The following CTTN variants were observed in gnomAD, a reference collection of about 807,000 sequenced individuals.
The protein encoded by CTTN is cortactin.
A neutral mutation model predicts 84.0 loss-of-function variants in CTTN; 28 were observed. The observed-to-expected ratio is 0.33, with a 90% CI of 0.25 to 0.46. The LOEUF is 0.46. Ranked by LOEUF, CTTN falls within the 20% of genes least tolerant of loss-of-function variation. CTTN has a pLI of 1.00. For missense variants in CTTN, 641 were observed against 723.8 expected (o/e 0.89, Z 1.31); for synonymous variants, 301 against 288.8 (o/e 1.04, Z -0.43).
chr11:70,410,988 T>C (rs2058090683), intron 5 of CTTN, among the ~76,000 whole-genome samples: 1 of 151,812 alleles, frequency 6.6e-6, no homozygotes, highest in South Asian at 2.1e-4. Flanking sequence ...ATAAATAGCC[T>C]GGGGGAGGAG....
chr11:70,407,428 G>A (rs1027482796), intron 3 of CTTN, 44 bp downstream of exon 3: 2 of 1,611,750 alleles, frequency 1.2e-6, no homozygotes, highest in Non-Finnish European at 1.7e-6. Context: ...TGAAGTGGAA[G>A]TGGCTCTCCT....
At chr11:70,430,262 C>A (rs1366407617) in intron 14 of CTTN, among the ~76,000 whole-genome samples, 1 of 152,228 alleles carries the variant, frequency 6.6e-6, no homozygotes, top group Non-Finnish European at 1.5e-5. Flanking sequence ...GTGCCTGTGC[C>A]TGCCACCTCA....
intron 4 of CTTN, among the ~76,000 whole-genome samples, chr11:70,408,923 C>T (rs1191206095): frequency 6.6e-6 from 1 of 151,950 alleles, no homozygotes; most frequent in Non-Finnish European, 1.5e-5. Flanking sequence ...CTCTTCTGTT[C>T]CCTGTGGCTT....
intron 9 of CTTN, 110 bp from the exon 10 acceptor site, chr11:70,420,290 A>G: frequency 1.3e-6 from 1 of 746,166 alleles, no homozygotes; most frequent in South Asian, 1.6e-5. Flanking sequence ...CCGGAAGGGA[A>G]GAGTAGATTG....
intron 10 of CTTN, 142 bp from the exon 11 acceptor site, chr11:70,421,328 G>A: frequency 2.9e-6 from 2 of 691,820 alleles, no homozygotes; most frequent in Non-Finnish European, 5.3e-6. Context: ...GAGCCTGGGA[G>A]TAGGATCTCA....
chr11:70,410,191 G>T, intron 5 of CTTN: 1 of 453,562 alleles, frequency 2.2e-6, no homozygotes, highest in Non-Finnish European at 4.0e-6. Context: ...GGTGTTAGTG[G>T]GGAGGCCCAG....
chr11:70,419,379 T>A (rs2058202437), intron 8 of CTTN, among the ~76,000 whole-genome samples: 1 of 152,098 alleles, frequency 6.6e-6, no homozygotes, highest in South Asian at 2.1e-4. Context: ...CAAAGTGCTG[T>A]GATTACAGGC....
chr11:70,426,901 A>C (rs561671064), intron 13 of CTTN, among the ~76,000 whole-genome samples: 1 of 147,132 alleles, frequency 6.8e-6, no homozygotes, highest in Non-Finnish European at 1.5e-5. Context: ...TGCCCGGCCA[A>C]ATTTTTTTAT....
At chr11:70,405,770 C>G (rs1445012849) in intron 2 of CTTN, among the ~76,000 whole-genome samples, 1 of 152,204 alleles carries the variant, frequency 6.6e-6, no homozygotes, top group Non-Finnish European at 1.5e-5. Context: ...GAAAAAGTAC[C>G]AGGCAAAGAC....
At chr11:70,406,874 A>G (rs765163084) in intron 2 of CTTN, among the ~76,000 whole-genome samples, 3 of 152,258 alleles carry the variant, frequency 2.0e-5, no homozygotes, top group Admixed American at 1.3e-4. Flanking sequence ...TACACATACC[A>G]TGAGATTTAC....
Position 70,433,091 on chromosome 11 carries a change from C to A in CTTN, c.1267-10C>A. On this transcript the variant is annotated splice_polypyrimidine_tract_variant and intron_variant, in intron 15 of 17. Coordinates refer to ENST00000301843, the MANE Select transcript of CTTN (RefSeq NM_005231.4). ...GGGCCCCGTGCCATGTGCGTGTGAC[C>A]CTTCCCCAGGATGCGGCTTCCTTCA... 4 of 1,612,438 alleles carry A rather than the reference C, an allele frequency of 2.5e-6. No individual in the cohort carries two copies. The highest frequency in any genetic ancestry group is 3.4e-6 in the Non-Finnish European group (4 of 1,179,390).
At chr11:70,420,656 A>G (rs950956590) in intron 10 of CTTN, 146 bp downstream of exon 10, 21 of 671,194 alleles carry the variant, frequency 3.1e-5, no homozygotes, top group South Asian at 8.7e-5. Flanking sequence ...TGCCCCCCCA[A>G]TCCCCCAGTT....
intron 15 of CTTN, 32 bp from the exon 16 acceptor site, chr11:70,433,069 C>T: frequency 6.2e-7 from 1 of 1,604,984 alleles, no homozygotes; most frequent in Non-Finnish European, 8.5e-7. Context: ...CCAGCATGGG[C>T]CCCGTGCCAT....
chr11:70,431,220 C>G lies in CTTN; in HGVS notation c.1206C>G (p.Pro402=). 2 of 1,614,184 alleles carry G rather than the reference C, an allele frequency of 1.2e-6. No homozygotes were observed. Among genetic ancestry groups the G allele is most frequent in the African/African-American group, 2.7e-5 (2 of 75,044 alleles). ...AAGCCAGAGCCAAAACGCAAACGCC[C>G]CCTGTGTCGCCCGCACCTCAGCCAA... ...EEQARAKTQT[P]PVSPAPQPTE... The change falls in exon 15 of 18, where the codon CCC becomes CCG. Residue 402 remains proline, a synonymous_variant. Transcript: ENST00000301843.
At chr11:70,427,328 G>A (rs1005703278) in intron 13 of CTTN, among the ~76,000 whole-genome samples, 8 of 152,040 alleles carry the variant, frequency 5.3e-5, no homozygotes, top group African/African-American at 1.9e-4. Flanking sequence ...CAGCCTGGGC[G>A]ACAACAGCTA....
intron 4 of CTTN, 75 bp downstream of exon 4, chr11:70,407,666 A>G: frequency 1.4e-6 from 2 of 1,393,580 alleles, no homozygotes; most frequent in Non-Finnish European, 1.0e-6. Flanking sequence ...GCCCATGGTC[A>G]TCTGTGGAGG....
At chr11:70,407,423 T>C (rs1451975335) in intron 3 of CTTN, 39 bp downstream of exon 3, 1 of 1,611,234 alleles carries the variant, frequency 6.2e-7, no homozygotes, top group African/African-American at 1.3e-5. Flanking sequence ...TTTCATGAAG[T>C]GGAAGTGGCT....
At chr11:70,414,789 C>T in intron 6 of CTTN, 137 bp downstream of exon 6, 1 of 629,028 alleles carries the variant, frequency 1.6e-6, no homozygotes, top group South Asian at 1.9e-5. Context: ...GGGCATCTGC[C>T]TCCCAGGATG....
At chr11:70,401,835 G>GA (rs1013067713) in intron 1 of CTTN, among the ~76,000 whole-genome samples, 20 of 143,058 alleles carry the variant, frequency 1.4e-4, no homozygotes, top group Admixed American at 2.8e-4. Context: ...CCCTGTCTCA[G>GA]AAAAAAAAAA....
Sources: gnomAD v4.1 joint callset for allele counts (sites outside exome capture counted in the v4.1 genomes callset) on GRCh38, gnomAD v4.1.1 for gene constraint, MANE v1.5 for transcripts, NCBI Gene and HGNC (gene_info 2026-07-23, HGNC 2026-07-21) for gene names.